LAMA2: variants seen among roughly 807,000 people sequenced by gnomAD.
LAMA2 encodes the protein laminin subunit alpha 2, also known as laminin subunit alpha-2.
LAMA2 carries 269 observed loss-of-function variants against 364.8 expected under a neutral mutation model. The ratio of observed to expected loss-of-function variants is 0.74; its 90% CI spans 0.67 to 0.82. The LOEUF (loss-of-function observed/expected upper bound fraction) is 0.82. LAMA2 is among the 40% of genes least tolerant of loss of function. The pLI, the probability that LAMA2 is intolerant of heterozygous loss-of-function variation, is 0.00. For synonymous variants in LAMA2, 1,379 were observed against 1,370.6 expected (o/e 1.01, Z -0.14); for missense variants, 3,807 against 3,873.2 (o/e 0.98, Z 0.45).
intron 3 of LAMA2, among the ~76,000 whole-genome samples, chr6:129,087,296 T>C (rs1270068568): frequency 1.3e-5 from 2 of 152,160 alleles, no homozygotes; most frequent in Non-Finnish European, 2.9e-5. Context: ...ATAAAGTGCC[T>C]GGCAAAAAGT....
chr6:128,980,334 C>T (rs1782786933), intron 1 of LAMA2, among the ~76,000 whole-genome samples: 1 of 152,140 alleles, frequency 6.6e-6, no homozygotes, highest in Non-Finnish European at 1.5e-5. Context: ...GTCAATACTG[C>T]ACAAATACGC....
intron 12 of LAMA2, among the ~76,000 whole-genome samples, chr6:129,200,216 A>G (rs935588129): frequency 4.4e-5 from 6 of 136,072 alleles, no homozygotes; most frequent in Non-Finnish European, 9.3e-5. Flanking sequence ...ATACATGTGT[A>G]TATATATACG....
chr6:129,153,543 C>T (rs1227146327), intron 7 of LAMA2, among the ~76,000 whole-genome samples: 1 of 152,200 alleles, frequency 6.6e-6, no homozygotes, highest in Admixed American at 6.5e-5. Context: ...TTTAGCAGTG[C>T]AGACTCTGGA....
In LAMA2 at chr6:129,453,067, T is replaced by C. The variant is rs763533627; in HGVS notation, c.6509T>C (p.Ile2170Thr). The change falls in exon 46 of 65, where the codon ATT becomes ACT. Residue 2170 changes from isoleucine to threonine, a missense_variant. Ile to Thr is a moderately conservative substitution (Grantham distance 89). This residue lies in a region of LAMA2 where 3,333 missense variants were observed against 3,345.7 expected (regional missense o/e 1.00). Coordinates refer to ENST00000421865, the MANE Select transcript of LAMA2 (RefSeq NM_000426.4). ...ATCAAGAAAGGAAGTTACAATAATA[T>C]TGTTGTCAACGTAAAGACAGCTGTT... ...PEIKKGSYNN[I>T]VVNVKTAVAD... 1 of 1,612,934 alleles carries C rather than the reference T, an allele frequency of 6.2e-7. No homozygotes were observed. The highest frequency in any genetic ancestry group is 1.3e-5 in the African/African-American group (1 of 74,886).
chr6:128,910,486 A>G (rs1381204487), intron 1 of LAMA2, among the ~76,000 whole-genome samples: 2 of 152,024 alleles, frequency 1.3e-5, no homozygotes, highest in African/African-American at 4.8e-5. Flanking sequence ...TTTCAGCTCC[A>G]TCAGCTCCTT....
intron 56 of LAMA2, among the ~76,000 whole-genome samples, chr6:129,487,899 T>C (rs1434690968): frequency 6.6e-6 from 1 of 152,202 alleles, no homozygotes; most frequent in Non-Finnish European, 1.5e-5. Flanking sequence ...GCAAACTGAA[T>C]GCTCTCATTT....
At chr6:128,919,923 A>G (rs1778583981) in intron 1 of LAMA2, among the ~76,000 whole-genome samples, 1 of 152,286 alleles carries the variant, frequency 6.6e-6, no homozygotes, top group African/African-American at 2.4e-5. Flanking sequence ...GATGAATTAC[A>G]TGACCACCTT....
chr6:129,226,324 G>A (rs180852740), intron 12 of LAMA2, among the ~76,000 whole-genome samples: 79 of 152,104 alleles, frequency 5.2e-4, no homozygotes, highest in African/African-American at 1.6e-3. Context: ...AGAGCATTTA[G>A]CCCATTTACG....
rs1562163932 is a variant in LAMA2, at chr6:129,025,931, G to A, written c.113-23987G>A. Among the ~76,000 whole-genome samples, 4 of 152,132 alleles carry A rather than the reference G, an allele frequency of 2.6e-5. No individual in the cohort carries two copies. The South Asian group carries it at 6.2e-4, about 24-fold the overall frequency. ...CCAGTACAAACTTAGTCCATAGAAC[G>A]TATTTGTTGTGCACAGACCTGCACA... On this transcript the variant is annotated intron_variant, in intron 1 of 64. Coordinates refer to ENST00000421865, the MANE Select transcript of LAMA2 (RefSeq NM_000426.4).
intron 3 of LAMA2, among the ~76,000 whole-genome samples, chr6:129,062,217 C>G (rs1788968892): frequency 6.6e-6 from 1 of 152,106 alleles, no homozygotes; most frequent in Non-Finnish European, 1.5e-5. Flanking sequence ...TTATGTAACT[C>G]CTCACAATAA....
At chr6:129,302,978 C>A (rs1050620022) in intron 22 of LAMA2, among the ~76,000 whole-genome samples, 9 of 152,122 alleles carry the variant, frequency 5.9e-5, no homozygotes, top group East Asian at 3.9e-4. Flanking sequence ...TTTAGCATGT[C>A]AATTCTTTAC....
intron 1 of LAMA2, among the ~76,000 whole-genome samples, chr6:128,938,041 G>A (rs1479617726): frequency 2.0e-5 from 3 of 151,856 alleles, no homozygotes; most frequent in Non-Finnish European, 2.9e-5. Context: ...TGACCCATTG[G>A]TCATTTTGGA....
At chr6:128,961,330 T>TA (rs1781483288) in intron 1 of LAMA2, among the ~76,000 whole-genome samples, 3 of 34,138 alleles carry the variant, frequency 8.8e-5, no homozygotes, top group African/African-American at 5.5e-4. Context: ...TATATATATA[T>TA]ATATATATAT....
At chr6:129,424,671 A>G (rs187152366) in intron 40 of LAMA2, among the ~76,000 whole-genome samples, 153 of 152,214 alleles carry the variant, frequency 1.0e-3, no homozygotes, top group African/African-American at 3.3e-3. Flanking sequence ...AATGATGACC[A>G]GTTAGAATGT....
chr6:129,292,769 TG>T (rs1789803104), intron 20 of LAMA2: 1 of 980,564 alleles, frequency 1.0e-6, no homozygotes, highest in Admixed American at 6.1e-5. Flanking sequence ...TGCTCTGTTT[TG>T]TTTTTATTTT....
At chr6:129,514,937 TATACC>T in intron 64 of LAMA2, among the ~76,000 whole-genome samples, 1 of 68,134 alleles carries the variant, frequency 1.5e-5, no homozygotes, top group Non-Finnish European at 4.3e-5. Context: ...TTAAAATTAA[TATACC>T]AGAGGAATCA....
intron 30 of LAMA2, among the ~76,000 whole-genome samples, chr6:129,347,795 G>C (rs191643131): frequency 4.9e-4 from 74 of 152,170 alleles, no homozygotes; most frequent in African/African-American, 1.7e-3. Context: ...CCCTCCAGAA[G>C]ACCTTTTATG....
intron 17 of LAMA2, 114 bp downstream of exon 17, chr6:129,270,865 A>C: frequency 8.8e-7 from 1 of 1,135,320 alleles, no homozygotes; most frequent in Non-Finnish European, 1.3e-6. Context: ...AAACACAGAC[A>C]TGAATTTTTT....
intron 8 of LAMA2, chr6:129,158,385 C>T: frequency 1.2e-6 from 2 of 1,613,968 alleles, no homozygotes; most frequent in Non-Finnish European, 1.7e-6. Flanking sequence ...CCGTACTTCT[C>T]CATATCGGCC....
Sources: allele counts gnomAD v4.1 joint callset (sites outside exome capture counted in the v4.1 genomes callset), GRCh38; gene constraint gnomAD v4.1.1; regional missense constraint gnomAD v4.1.1; transcripts MANE v1.5; gene names NCBI Gene and HGNC (gene_info 2026-07-23, HGNC 2026-07-21).